The following BLTP3B variants were observed in gnomAD, a reference collection of about 807,000 sequenced individuals.
BLTP3B encodes the protein UHRF1 (ICBP90) binding protein 1-like.
At chr12:100,087,427 C>A in the BLTP3B span, among the ~76,000 whole-genome samples, 2 of 152,014 alleles carry the variant, frequency 1.3e-5, no homozygotes, top group African/African-American at 4.8e-5. Flanking sequence ...GTCTACAATC[C>A]CTTACGTAAA....
the BLTP3B span, among the ~76,000 whole-genome samples, chr12:100,115,063 T>G: frequency 1.3e-5 from 2 of 152,126 alleles, no homozygotes; most frequent in Non-Finnish European, 2.9e-5. Context: ...GGTGCAAAAT[T>G]TCATGAAGCA....
At chr12:100,103,787 T>G in the BLTP3B span, 1 of 782,496 alleles carries the variant, frequency 1.3e-6, no homozygotes, top group Non-Finnish European at 1.9e-6. Context: ...CCTATCAAAA[T>G]AAAATGAAAC....
At chr12:100,134,060 C>T in the BLTP3B span, among the ~76,000 whole-genome samples, 1 of 152,116 alleles carries the variant, frequency 6.6e-6, no homozygotes, top group Non-Finnish European at 1.5e-5. Context: ...CAGTTTCAGG[C>T]ATCCACTGGG....
chr12:100,138,167 G>A, the BLTP3B span, among the ~76,000 whole-genome samples: 9 of 152,166 alleles, frequency 5.9e-5, no homozygotes, highest in Admixed American at 5.9e-4. Context: ...TGCCAATGAT[G>A]CCAAGGTTAA....
At chr12:100,059,982 G>GCTT in the BLTP3B span, 1 of 1,612,538 alleles carries the variant, frequency 6.2e-7, no homozygotes, top group Non-Finnish European at 8.5e-7. Context: ...ACCATAGAAT[G>GCTT]CTTCTTTCAT....
At chr12:100,058,500 T>C in the BLTP3B span, 1 of 1,613,376 alleles carries the variant, frequency 6.2e-7, no homozygotes, top group South Asian at 1.1e-5. Context: ...TGACATATGA[T>C]TAACAGTTAC....
At chr12:100,038,569 C>T in the BLTP3B span, among the ~76,000 whole-genome samples, 10,413 of 152,208 alleles carry the variant, frequency 0.068, 392 homozygotes, top group South Asian at 0.089. Context: ...CTCGCGACCT[C>T]AGGTGATCTG....
chr12:100,098,274 T>C, the BLTP3B span: 2 of 1,435,146 alleles, frequency 1.4e-6, no homozygotes, highest in South Asian at 1.4e-5. Flanking sequence ...AAGGCAACCA[T>C]GAGATGTGAT....
At chr12:100,061,779 A>G in the BLTP3B span, among the ~76,000 whole-genome samples, 1 of 152,114 alleles carries the variant, frequency 6.6e-6, no homozygotes, top group Non-Finnish European at 1.5e-5. Context: ...GAATATTCTG[A>G]TATCACGAAG....
At chr12:100,109,644 T>C in the BLTP3B span, among the ~76,000 whole-genome samples, 1 of 152,052 alleles carries the variant, frequency 6.6e-6, no homozygotes, top group Non-Finnish European at 1.5e-5. Context: ...CGCATGCCTG[T>C]AGTCCCAGCT....
At chr12:100,059,395 G>C in the BLTP3B span, 1 of 1,613,992 alleles carries the variant, frequency 6.2e-7, no homozygotes, top group South Asian at 1.1e-5. Context: ...TTAAAGTCTT[G>C]AAACAAAGCT....
the BLTP3B span, among the ~76,000 whole-genome samples, chr12:100,075,088 T>A: frequency 6.6e-6 from 1 of 151,764 alleles, no homozygotes; most frequent in Admixed American, 6.6e-5. Flanking sequence ...CTCAGCTCAC[T>A]GCAACCTCTG....
At chr12:100,111,277 A>ATTTTTTTTTTTTTTT in the BLTP3B span, among the ~76,000 whole-genome samples, 2 of 94,748 alleles carry the variant, frequency 2.1e-5, no homozygotes, top group African/African-American at 4.1e-5. Flanking sequence ...GGGGTTTTAG[A>ATTTTTTTTTTTTTTT]TTTTTTTTTT....
chr12:100,065,356 T>A, the BLTP3B span, among the ~76,000 whole-genome samples: 1 of 151,138 alleles, frequency 6.6e-6, no homozygotes, highest in African/African-American at 2.4e-5. Flanking sequence ...AAGACAACCA[T>A]AAGGTCTGAC....
the BLTP3B span, among the ~76,000 whole-genome samples, chr12:100,089,434 C>T: frequency 1.3e-5 from 2 of 152,118 alleles, no homozygotes; most frequent in African/African-American, 4.8e-5. Context: ...GTGCCGCATG[C>T]CTGTAATCCC....
the BLTP3B span, chr12:100,069,903 A>G: frequency 3.1e-5 from 31 of 1,010,782 alleles, no homozygotes; most frequent in African/African-American, 4.8e-4. Context: ...TAAAATTTTT[A>G]AAAATTACTT....
At chr12:100,076,847 C>T in the BLTP3B span, among the ~76,000 whole-genome samples, 2 of 152,100 alleles carry the variant, frequency 1.3e-5, no homozygotes, top group African/African-American at 4.8e-5. Context: ...ACGGCTTATT[C>T]TTTTTTCCTC....
chr12:100,106,971 C>T, the BLTP3B span, among the ~76,000 whole-genome samples: 1 of 151,948 alleles, frequency 6.6e-6, no homozygotes, highest in East Asian at 1.9e-4. Flanking sequence ...CAAGAAGTGA[C>T]ACAAATTGAC....
chr12:100,135,187 T>C, the BLTP3B span, among the ~76,000 whole-genome samples: 1 of 152,212 alleles, frequency 6.6e-6, no homozygotes, highest in African/African-American at 2.4e-5. Context: ...TTTCAAAATA[T>C]CAAACAAGTT....
Sources: allele counts gnomAD v4.1 joint callset (sites outside exome capture counted in the v4.1 genomes callset), GRCh38; gene constraint gnomAD v4.1.1; transcripts MANE v1.5; gene names NCBI Gene and HGNC (gene_info 2026-07-23, HGNC 2026-07-21).